Variants in TEK observed in about 807,000 individuals in gnomAD.
TEK encodes TEK receptor tyrosine kinase.
A neutral mutation model predicts 131.8 loss-of-function variants in TEK; 43 were observed. That is an observed-to-expected ratio of 0.33 (90% CI 0.26 to 0.42). The LOEUF is 0.42. Ranked by LOEUF, TEK falls within the 10% of genes least tolerant of loss-of-function variation. The pLI is 1.00. For missense variants in TEK, 1,162 were observed against 1,384.4 expected, an observed-to-expected ratio of 0.84 and a Z score of 2.55; for synonymous variants, 580 against 491.6, an observed-to-expected ratio of 1.18 and a Z score of -2.38.
chr9:27,136,105 G>A (rs1425582907), intron 1 of TEK, among the ~76,000 whole-genome samples: 1 of 86,526 alleles, frequency 1.2e-5, no homozygotes, highest in African/African-American at 3.5e-5. Context: ...TTTTTGAGAT[G>A]GAGTCTCGCT....
At chr9:27,225,541 A>T (rs1048849998) in intron 21 of TEK, among the ~76,000 whole-genome samples, 2 of 152,238 alleles carry the variant, frequency 1.3e-5, no homozygotes, top group Non-Finnish European at 2.9e-5. Context: ...AGCCATATGC[A>T]GAAAACTGAA....
intron 4 of TEK, among the ~76,000 whole-genome samples, chr9:27,170,546 G>C (rs955790575): frequency 3.3e-5 from 5 of 152,180 alleles, no homozygotes; most frequent in Non-Finnish European, 5.9e-5. Flanking sequence ...GATAGTTCAA[G>C]CTCGGGAGGT....
intron 1 of TEK, among the ~76,000 whole-genome samples, chr9:27,138,132 G>A (rs1822565801): frequency 6.6e-6 from 1 of 152,234 alleles, no homozygotes; most frequent in Non-Finnish European, 1.5e-5. Flanking sequence ...CTCAGTGAGT[G>A]TTTCAGCTCA....
At chr9:27,142,352 T>C (rs1239070692) in intron 1 of TEK, among the ~76,000 whole-genome samples, 3 of 152,242 alleles carry the variant, frequency 2.0e-5, no homozygotes, top group Admixed American at 1.3e-4. Context: ...GATGCCTATG[T>C]AGGTGTCCAG....
chr9:27,151,605 T>C (rs1823128915), intron 1 of TEK, among the ~76,000 whole-genome samples: 1 of 152,344 alleles, frequency 6.6e-6, no homozygotes, highest in Middle Eastern at 3.4e-3. Flanking sequence ...TTTACCATTA[T>C]GGTGTCTCAT....
intron 1 of TEK, among the ~76,000 whole-genome samples, chr9:27,133,455 C>T (rs887872213): frequency 6.6e-6 from 1 of 152,164 alleles, no homozygotes; most frequent in African/African-American, 2.4e-5. Flanking sequence ...CAGGTGAAGC[C>T]TACAGCCTTT....
rs1382044671 is a variant in TEK at position 27,185,148 on chromosome 9, A to G, written c.1183-337A>G. ...ACTTAGGAAGTCACTTTGTCCTCCC[A>G]CGCAGCCATCTCTGTGTTAGATAGG... is the stretch of plus-strand genomic sequence containing the variant. On this transcript the variant is annotated intron_variant, in intron 8 of 22. Coordinates refer to ENST00000380036, the MANE Select transcript of TEK (RefSeq NM_000459.5). 2.0e-5 allele frequency among the ~76,000 whole-genome samples: 3 copies of G among 152,118 alleles called. No homozygotes were observed. The East Asian group carries it at 5.8e-4, about 29-fold the overall frequency.
intron 2 of TEK, among the ~76,000 whole-genome samples, chr9:27,160,361 G>A (rs1231582652): frequency 6.6e-6 from 1 of 152,132 alleles, no homozygotes; most frequent in Non-Finnish European, 1.5e-5. Context: ...ACACACCTCT[G>A]CACATTGCTG....
intron 19 of TEK, among the ~76,000 whole-genome samples, chr9:27,218,136 G>GGGGT (rs1554702624): frequency 3.3e-5 from 5 of 150,330 alleles, no homozygotes; most frequent in Admixed American, 2.0e-4. Context: ...ACAGTGGCGG[G>GGGGT]GGTCGTCTCT....
chr9:27,197,533 G>A lies in TEK; in HGVS notation c.1843G>A (p.Ala615Thr), dbSNP rs750544688. 4.3e-6 allele frequency: 7 copies of A among 1,614,094 alleles called. No homozygotes were observed. Among genetic ancestry groups the A allele is most frequent in the Non-Finnish European group, 5.9e-6 (7 of 1,180,004 alleles). ...TCCCAGGGAGCAGTACGTGGTCCGA[G>A]CTAGAGTCAACACCAAGGCCCAGGG... ...LHPREQYVVR[A>T]RVNTKAQGEW... Residue 615 changes from alanine to threonine, a missense_variant, in exon 12 of 23, where the codon GCT becomes ACT. Transcript: ENST00000380036.
intron 1 of TEK, among the ~76,000 whole-genome samples, chr9:27,135,085 C>T (rs1465466641): frequency 7.1e-6 from 1 of 140,260 alleles, no homozygotes; most frequent in Non-Finnish European, 1.6e-5. Context: ...ATTAGCTGGG[C>T]ATGGTGGTGC....
At chr9:27,178,473 A>G (rs1292053166) in intron 6 of TEK, among the ~76,000 whole-genome samples, 2 of 152,070 alleles carry the variant, frequency 1.3e-5, no homozygotes, top group African/African-American at 4.8e-5. Flanking sequence ...AAATTTTAGT[A>G]TCGTTTTTTC....
At chr9:27,174,711 G>T (rs977289744) in intron 6 of TEK, among the ~76,000 whole-genome samples, 11 of 152,088 alleles carry the variant, frequency 7.2e-5, no homozygotes, top group South Asian at 2.1e-4. Context: ...CCCTCTAAAT[G>T]CTATGTCTGC....
chr9:27,187,128 G>A (rs1824628813), intron 9 of TEK, among the ~76,000 whole-genome samples: 1 of 152,170 alleles, frequency 6.6e-6, no homozygotes, highest in Non-Finnish European at 1.5e-5. Flanking sequence ...AAACCATGTG[G>A]TGAATACACA....
intron 3 of TEK, 80 bp downstream of exon 3, chr9:27,168,685 T>G: frequency 9.2e-7 from 1 of 1,084,458 alleles, no homozygotes; most frequent in Non-Finnish European, 1.4e-6. Context: ...ATTTTCCTAT[T>G]GTGGTCTTGT....
chr9:27,203,700 G>C (rs1010263071), intron 13 of TEK, among the ~76,000 whole-genome samples: 1 of 152,204 alleles, frequency 6.6e-6, no homozygotes, highest in African/African-American at 2.4e-5. Context: ...GTCCCATGTG[G>C]GTGGAGCTGC....
At position 27,116,878 on chromosome 9, in the gene TEK, T is replaced by TTG. The variant is rs1821582561; in HGVS notation, c.52+7237_52+7238dup. On this transcript the variant is annotated intron_variant, in intron 1 of 22. Coordinates refer to ENST00000380036, the MANE Select transcript of TEK (RefSeq NM_000459.5). Reference sequence around the variant, plus strand: ...AAAGAAATTTTTTTTTTTTTTTTTTTTGAGTCGGAGTCTCGCTCAGTCCCC... The same window carrying TTG: ...AAAGAAATTTTTTTTTTTTTTTTTTTTGTGAGTCGGAGTCTCGCTCAGTCCCC... Among the ~76,000 whole-genome samples, 11 of 149,752 alleles carry TTG rather than the reference T, an allele frequency of 7.3e-5. No homozygotes were observed. The South Asian group carries it at 2.3e-3, about 32-fold the overall frequency.
rs1825404895 is a variant in TEK, at chr9:27,206,494, T to C, written c.2365-88T>C. The C allele has an allele frequency of 2.9e-6, 4 of 1,357,958 alleles. No individual in the cohort carries two copies. The Admixed American group carries it at 7.9e-5, about 27-fold the overall frequency. The allele number at this position is 1,357,958 out of a possible 1,614,324, so 84.1% of individuals were successfully genotyped here. A position where few individuals can be genotyped will look rare whatever the true frequency, so the allele number is the denominator to read the frequency against. ...ATTAAATACAGTATTTCTTTTTTCA[T>C]CTGGTGTGGATGCCAACCAGAAGAC... On this transcript the variant is annotated intron_variant, in intron 14 of 22. Transcript: ENST00000380036.
chr9:27,198,953 A>G (rs13286917), intron 12 of TEK, among the ~76,000 whole-genome samples: 15,824 of 151,830 alleles, frequency 0.1, 1,056 homozygotes, highest in Non-Finnish European at 0.14. Flanking sequence ...ACACGCCACC[A>G]CACCTGACTT....
Sources: gnomAD v4.1 joint callset for allele counts (sites outside exome capture counted in the v4.1 genomes callset) on GRCh38, gnomAD v4.1.1 for gene constraint, MANE v1.5 for transcripts, NCBI Gene and HGNC (gene_info 2026-07-23, HGNC 2026-07-21) for gene names.